Variants in OLAH observed in about 807,000 individuals in gnomAD.
OLAH encodes the protein S-acyl fatty acid synthase thioesterase, medium chain.
Under a neutral mutation model 27.8 loss-of-function variants are expected in OLAH, and 33 were observed. The ratio of observed to expected loss-of-function variants is 1.19; its 90% CI spans 0.90 to 1.59. The LOEUF (loss-of-function observed/expected upper bound fraction) is 1.59. OLAH is among the 40% of genes most tolerant of loss of function. OLAH has a pLI of 0.00. For synonymous variants in OLAH, 120 were observed against 102.9 expected, an observed-to-expected ratio of 1.17 and a Z score of -1.01; for missense variants, 359 against 310.8, an observed-to-expected ratio of 1.16 and a Z score of -1.17.
intron 6 of OLAH, among the ~76,000 whole-genome samples, chr10:15,070,130 G>C (rs1369274991): frequency 1.4e-5 from 2 of 144,888 alleles, no homozygotes; most frequent in Admixed American, 1.4e-4. Flanking sequence ...GACAAGTCAT[G>C]ATGCTGCAGT....
intron 6 of OLAH, among the ~76,000 whole-genome samples, chr10:15,071,049 G>T (rs2131381926): frequency 6.6e-6 from 1 of 152,202 alleles, no homozygotes; most frequent in Admixed American, 6.5e-5. Flanking sequence ...CTCCCAAAGT[G>T]CTGGTATTAT....
chr10:15,034,100 C>T (rs986094230), intron 1 of OLAH, among the ~76,000 whole-genome samples: 2 of 95,578 alleles, frequency 2.1e-5, no homozygotes, highest in African/African-American at 7.8e-5. Context: ...GCAGACTCCA[C>T]CATTTTTTTT....
At chr10:15,044,021 A>G (rs1420428288) in intron 1 of OLAH, 35 bp downstream of exon 1, 1 of 152,208 alleles carries the variant, frequency 6.6e-6, no homozygotes, top group Non-Finnish European at 1.5e-5. Flanking sequence ...TCTAAAAATC[A>G]TAGAGTAATA....
In OLAH at chr10:15,071,844, G is replaced by A. The variant is rs754141411; in HGVS notation, c.622G>A (p.Val208Ile). 6.2e-7 allele frequency: 1 copy of A among 1,613,600 alleles called. No individual in the cohort carries two copies. Among genetic ancestry groups the A allele is most frequent in the Non-Finnish European group, 8.5e-7 (1 of 1,179,500 alleles). ...AVLSCDLTCFVGSEDIAKDME... is the reference protein window; with the variant it reads ...AVLSCDLTCFIGSEDIAKDME... ...TCTTTCCTGTGACTTGACATGTTTT[G>A]TTGGATCTGAAGACATAGCAAAGGA... Residue 208 changes from valine (V) to isoleucine (I), a missense_variant, in exon 7 of 8, where the codon GTT (valine) becomes ATT (isoleucine). Coordinates refer to ENST00000378228, the MANE Select transcript of OLAH (RefSeq NM_001039702.3).
rs150391579 is a variant in OLAH, at chr10:15,066,605, TTTTATTTATTTATTTA to T, written c.572+888_572+903del. 5.8e-3 allele frequency among the ~76,000 whole-genome samples: 843 copies of T among 144,942 alleles called. 9 individuals are homozygous for T. The highest frequency in any genetic ancestry group is 0.021 in the East Asian group (103 of 4,966). The stretch of plus-strand genomic sequence containing the variant: ...TCCCCAATAATCTTTCCTATTTTTA[TTTTATTTATTTATTTA>T]TTTATTTATTTATTTATTTATTTAT... On this transcript the variant is annotated intron_variant, in intron 6 of 7. Transcript: ENST00000378228.
intron 2 of OLAH, 129 bp downstream of exon 2, chr10:15,047,449 C>A: frequency 2.2e-6 from 2 of 900,738 alleles, no homozygotes; most frequent in Non-Finnish European, 1.8e-6. Context: ...AATCCCAGCA[C>A]TTTGGGAGCC....
At chr10:15,057,760 C>G (rs916454053) in intron 3 of OLAH, among the ~76,000 whole-genome samples, 1 of 152,092 alleles carries the variant, frequency 6.6e-6, no homozygotes, top group Non-Finnish European at 1.5e-5. Context: ...ATTCTAGCAG[C>G]AGGGAAGTCT....
At chr10:15,059,076 T>C (rs1334965385) in intron 3 of OLAH, among the ~76,000 whole-genome samples, 2 of 48,218 alleles carry the variant, frequency 4.1e-5, no homozygotes, top group African/African-American at 7.7e-5. Flanking sequence ...CCCTCTCTCC[T>C]TCCCTTCCTT....
At chr10:15,039,782 G>GGCTGT (rs1198964893), upstream of OLAH, among the ~76,000 whole-genome samples, 1 of 152,208 alleles carries the variant, frequency 6.6e-6, no homozygotes, top group Non-Finnish European at 1.5e-5. Flanking sequence ...TCGTCAGTTT[G>GGCTGT]GAAGACAAGG....
chr10:15,049,165 ACT>A (rs927564790), intron 2 of OLAH, among the ~76,000 whole-genome samples: 4 of 129,868 alleles, frequency 3.1e-5, no homozygotes, highest in Admixed American at 9.4e-5. Flanking sequence ...GCAAGATGTC[ACT>A]CTGTCACTGA....
intron 5 of OLAH, among the ~76,000 whole-genome samples, chr10:15,064,770 G>C (rs1844434752): frequency 6.6e-6 from 1 of 152,190 alleles, no homozygotes; most frequent in African/African-American, 2.4e-5. Context: ...AGATTCTCCT[G>C]TCTCAGCCTC....
chr10:15,056,866 G>A (rs374442923), intron 3 of OLAH: 18 of 1,524,470 alleles, frequency 1.2e-5, no homozygotes, highest in Admixed American at 8.3e-5. Flanking sequence ...CTCAAACTCC[G>A]GCGCTCAAGT....
In OLAH at chr10:15,066,532, C is replaced by T. The variant is rs1439561568; in HGVS notation, c.572+779C>T. On this transcript the variant is annotated intron_variant, in intron 6 of 7. Transcript: ENST00000378228. ...TTGTCTCATGGGATGTCTGTATAGACACTTGATTCTTCTGATAGAACTGAA... is the reference window on the plus strand; with the variant it reads ...TTGTCTCATGGGATGTCTGTATAGATACTTGATTCTTCTGATAGAACTGAA... Among the ~76,000 whole-genome samples, 5 of 151,924 alleles carry T rather than the reference C, an allele frequency of 3.3e-5. No individual in the cohort carries two copies. The East Asian group carries it at 5.8e-4, about 18-fold the overall frequency.
At chr10:15,068,076 ACTGT>A (rs1207483617) in intron 6 of OLAH, 1 of 151,978 alleles carries the variant, frequency 6.6e-6, no homozygotes, top group Non-Finnish European at 1.5e-5. Context: ...ATTTCCTCTG[ACTGT>A]CTTCAAGGCC....
chr10:15,061,635 T>G, intron 3 of OLAH, 89 bp from the exon 4 acceptor site: 2 of 1,270,400 alleles, frequency 1.6e-6, no homozygotes, highest in Non-Finnish European at 2.1e-6. Flanking sequence ...TTTGAAATTT[T>G]TTCCATCAGG....
chr10:15,069,443 G>C (rs1336184310), intron 6 of OLAH, among the ~76,000 whole-genome samples: 1 of 152,192 alleles, frequency 6.6e-6, no homozygotes, highest in Non-Finnish European at 1.5e-5. Context: ...AATGAGAGCA[G>C]ACCTGGTCAG....
chr10:15,064,327 G>C (rs1312681283), intron 4 of OLAH, 76 bp from the exon 5 acceptor site: 2 of 796,598 alleles, frequency 2.5e-6, no homozygotes, highest in Non-Finnish European at 4.3e-6. Context: ...TTATGATACT[G>C]TTCCTTTTGA....
intron 6 of OLAH, among the ~76,000 whole-genome samples, chr10:15,067,047 G>T (rs1411644836): frequency 6.6e-6 from 1 of 152,178 alleles, no homozygotes; most frequent in Non-Finnish European, 1.5e-5. Context: ...AAAAAGTTAA[G>T]TATATGAGGT....
intron 3 of OLAH, among the ~76,000 whole-genome samples, chr10:15,055,959 C>T (rs1844237708): frequency 6.6e-6 from 1 of 151,914 alleles, no homozygotes; most frequent in African/African-American, 2.4e-5. Context: ...AAGCGATTCT[C>T]CTGCCTCAGC....
Sources: allele counts gnomAD v4.1 joint callset (sites outside exome capture counted in the v4.1 genomes callset), GRCh38; gene constraint gnomAD v4.1.1; transcripts MANE v1.5; gene names NCBI Gene and HGNC (gene_info 2026-07-23, HGNC 2026-07-21).